The following MYT1L variants were observed in gnomAD, a reference collection of about 807,000 sequenced individuals.
MYT1L encodes the protein myelin transcription factor 1-like protein.
MYT1L carries 12 observed loss-of-function variants against 126.7 expected under a neutral mutation model. The ratio of observed to expected loss-of-function variants is 0.09; its 90% CI spans 0.06 to 0.15. The LOEUF is 0.15. MYT1L is among the 10% of genes least tolerant of loss of function. The probability of loss-of-function intolerance (pLI) is 1.00; values close to 1 mark genes in which losing one functional copy is unlikely to be tolerated. For missense variants in MYT1L, 979 were observed against 1,585.2 expected, an observed-to-expected ratio of 0.62 and a Z score of 6.49; for synonymous variants, 541 against 604.2, an observed-to-expected ratio of 0.90 and a Z score of 1.53.
chr2:2,236,687 T>C (rs7559757), intron 2 of MYT1L, among the ~76,000 whole-genome samples: 1 of 149,456 alleles, frequency 6.7e-6, no homozygotes, highest in Non-Finnish European at 1.5e-5. Context: ...CCCAACCCAG[T>C]ACATCACACG....
chr2:1,882,408 C>T (rs1443937951), intron 18 of MYT1L, among the ~76,000 whole-genome samples: 8 of 152,190 alleles, frequency 5.3e-5, no homozygotes, highest in Admixed American at 5.2e-4. Context: ...TTCTTTATAA[C>T]AGAAACAAGG....
chr2:1,936,538 A>G (rs545102419), intron 9 of MYT1L, among the ~76,000 whole-genome samples: 1 of 152,262 alleles, frequency 6.6e-6, no homozygotes, highest in African/African-American at 2.4e-5. Context: ...CTTTCTCCCA[A>G]CTGTGTCCAC....
intron 2 of MYT1L, among the ~76,000 whole-genome samples, chr2:2,246,823 T>C (rs969860475): frequency 1.3e-5 from 2 of 152,210 alleles, no homozygotes; most frequent in Admixed American, 1.3e-4. Flanking sequence ...CTTTTGCCAA[T>C]TAAATTACAC....
intron 2 of MYT1L, among the ~76,000 whole-genome samples, chr2:2,271,791 GAT>G (rs1423106396): frequency 4.6e-5 from 7 of 152,166 alleles, no homozygotes; most frequent in Admixed American, 4.6e-4. Context: ...CCTGGACAAG[GAT>G]GCCATGCCCA....
chr2:1,976,034 G>T (rs1177725147), intron 8 of MYT1L, among the ~76,000 whole-genome samples: 1 of 149,810 alleles, frequency 6.7e-6, no homozygotes, highest in Non-Finnish European at 1.5e-5. Context: ...TTTTTACTTG[G>T]CTATTGCTGA....
At chr2:2,270,888 C>T (rs199972669) in intron 2 of MYT1L, among the ~76,000 whole-genome samples, 4 of 151,866 alleles carry the variant, frequency 2.6e-5, no homozygotes, top group Non-Finnish European at 2.9e-5. Context: ...CTTTAAAAAT[C>T]GGCTGACGCT....
At chr2:1,844,595 C>T (rs1369820240) in intron 19 of MYT1L, among the ~76,000 whole-genome samples, 1 of 152,108 alleles carries the variant, frequency 6.6e-6, no homozygotes, top group Non-Finnish European at 1.5e-5. Flanking sequence ...GCAGACCTGG[C>T]CCGAGTGTCT....
intron 8 of MYT1L, among the ~76,000 whole-genome samples, chr2:1,964,190 T>C (rs1243659978): frequency 1.3e-5 from 2 of 152,156 alleles, no homozygotes; most frequent in South Asian, 2.1e-4. Flanking sequence ...GACTGGCTGG[T>C]TGGCAGAGCA....
chr2:2,313,342 T>A (rs2096006988), intron 1 of MYT1L, among the ~76,000 whole-genome samples: 1 of 152,114 alleles, frequency 6.6e-6, no homozygotes, highest in Non-Finnish European at 1.5e-5. Flanking sequence ...CTACCGGTTG[T>A]CTTAACCCAT....
At chr2:2,168,175 G>A (rs1489606470) in intron 3 of MYT1L, among the ~76,000 whole-genome samples, 2 of 152,096 alleles carry the variant, frequency 1.3e-5, no homozygotes, top group Non-Finnish European at 2.9e-5. Context: ...TCTGCAGAAC[G>A]GTGTGGGCTC....
At chr2:2,236,612 C>A (rs1199148093) in intron 2 of MYT1L, among the ~76,000 whole-genome samples, 8 of 148,280 alleles carry the variant, frequency 5.4e-5, no homozygotes, top group Non-Finnish European at 8.9e-5. Context: ...CCCAGCACAT[C>A]CCAACCCAGC....
chr2:2,254,940 A>T (rs1383310214), intron 2 of MYT1L, among the ~76,000 whole-genome samples: 9 of 152,184 alleles, frequency 5.9e-5, no homozygotes, highest in Non-Finnish European at 1.3e-4. Context: ...TCTATAATAT[A>T]CATGTGCCAT....
chr2:1,883,000 T>A (rs1195325584), intron 18 of MYT1L, among the ~76,000 whole-genome samples: 1 of 152,208 alleles, frequency 6.6e-6, no homozygotes, highest in East Asian at 1.9e-4. Context: ...GATACAAGCC[T>A]AGGGACTACT....
chr2:2,319,059 C>T (rs2096117104), intron 1 of MYT1L, among the ~76,000 whole-genome samples: 2 of 152,184 alleles, frequency 1.3e-5, no homozygotes, highest in Non-Finnish European at 2.9e-5. Context: ...TTTGAATTCT[C>T]CTCTCCTCCT....
rs528685941 is a variant in MYT1L at position 2,286,488 on chromosome 2, G to A, written c.-520-1985C>T. 3.9e-5 allele frequency among the ~76,000 whole-genome samples: 6 copies of A among 152,082 alleles called. No homozygotes were observed. The South Asian group carries it at 6.2e-4, about 16-fold the overall frequency. ...AGAAGTAATGCAGATATCAAGTTTCGAATGATTTCTAACAAATTGAAAAAA... is the reference window on the plus strand; with the variant it reads ...AGAAGTAATGCAGATATCAAGTTTCAAATGATTTCTAACAAATTGAAAAAA... On this transcript the variant is annotated intron_variant, in intron 1 of 24. Transcript: ENST00000647738.
At chr2:2,041,448 T>C (rs1321418896) in intron 4 of MYT1L, among the ~76,000 whole-genome samples, 1 of 152,216 alleles carries the variant, frequency 6.6e-6, no homozygotes, top group Non-Finnish European at 1.5e-5. Context: ...GCTCAGTGCT[T>C]TGCAAGCTGA....
At chr2:2,322,300 G>A (rs2096181289) in intron 1 of MYT1L, among the ~76,000 whole-genome samples, 1 of 151,852 alleles carries the variant, frequency 6.6e-6, no homozygotes, top group Non-Finnish European at 1.5e-5. Context: ...TTAAGTCAAA[G>A]AGCACTTCAT....
rs368197098 is a variant in MYT1L at position 1,801,804 on chromosome 2, A to C, written c.3173-5T>G. 5.2e-5 allele frequency: 79 copies of C among 1,529,820 alleles called. No individual in the cohort carries two copies. Among genetic ancestry groups the C allele is most frequent in the Non-Finnish European group, 6.7e-5 (74 of 1,108,050 alleles). The allele number at this position is 1,529,820 out of a possible 1,614,324, so 94.8% of individuals were successfully genotyped here. A position where few individuals can be genotyped will look rare whatever the true frequency, so the allele number is the denominator to read the frequency against. ...TTTCTTCATCATTTTCTATACCTGTAATAATGAATATTAGTATGTTAAAAC... is the reference window on the plus strand; with the variant it reads ...TTTCTTCATCATTTTCTATACCTGTCATAATGAATATTAGTATGTTAAAAC... On this transcript the variant is annotated splice_region_variant and splice_polypyrimidine_tract_variant and intron_variant, in intron 22 of 24. Coordinates refer to ENST00000647738, the MANE Select transcript of MYT1L (RefSeq NM_001303052.2). The surrounding 1 kb of genome is among the most constrained non-coding windows in gnomAD (Gnocchi z 4.2).
At chr2:2,298,390 T>C (rs1378317918) in intron 1 of MYT1L, among the ~76,000 whole-genome samples, 2 of 152,218 alleles carry the variant, frequency 1.3e-5, no homozygotes, top group African/African-American at 4.8e-5. Context: ...AACAGTCTTC[T>C]GGTGTGGATC....
Sources: gnomAD v4.1 joint callset for allele counts (sites outside exome capture counted in the v4.1 genomes callset) on GRCh38, gnomAD v4.1.1 for gene constraint, Gnocchi (gnomAD v3.1) non-coding constraint, MANE v1.5 for transcripts, NCBI Gene and HGNC (gene_info 2026-07-23, HGNC 2026-07-21) for gene names.